FDX1: variants seen among roughly 807,000 people sequenced by gnomAD.
The protein encoded by FDX1 is ferredoxin 1.
FDX1 carries 9 observed loss-of-function variants against 14.9 expected under a neutral mutation model. The observed-to-expected ratio is 0.60, with a 90% CI of 0.36 to 1.05. FDX1 has a LOEUF of 1.05. Ranked by LOEUF, FDX1 falls within the 50% of genes least tolerant of loss-of-function variation. The pLI is 0.01. For synonymous variants in FDX1, 92 were observed against 99.4 expected, an observed-to-expected ratio of 0.93 and a Z score of 0.44; for missense variants, 204 against 237.2, an observed-to-expected ratio of 0.86 and a Z score of 0.92.
chr11:110,444,271 A>G (rs1337330166), intron 2 of FDX1, among the ~76,000 whole-genome samples: 1 of 152,076 alleles, frequency 6.6e-6, no homozygotes, highest in Non-Finnish European at 1.5e-5. Context: ...ACTTCTGCCT[A>G]TGGCTAGCCA....
intron 1 of FDX1, among the ~76,000 whole-genome samples, chr11:110,435,630 T>C (rs1233032924): frequency 2.0e-5 from 3 of 152,172 alleles, no homozygotes; most frequent in Non-Finnish European, 4.4e-5. Flanking sequence ...AGAAGATGGC[T>C]TGAGGCCAGG....
chr11:110,441,107 T>C (rs1038442502), intron 2 of FDX1, among the ~76,000 whole-genome samples: 3 of 152,254 alleles, frequency 2.0e-5, no homozygotes, highest in African/African-American at 7.2e-5. Flanking sequence ...AAGATATGAC[T>C]TGCTTCTTCT....
chr11:110,453,270 G>A (rs751363981), intron 2 of FDX1, among the ~76,000 whole-genome samples: 2 of 152,058 alleles, frequency 1.3e-5, no homozygotes, highest in East Asian at 1.9e-4. Context: ...CCCGGGAGGC[G>A]GAGGTTGCCG....
At position 110,430,092 on chromosome 11, in the gene FDX1, TC is replaced by T; in HGVS notation, c.-28del. The T allele has an allele frequency of 8.2e-7, 1 of 1,216,840 alleles. No homozygotes were observed. Among genetic ancestry groups the T allele is most frequent in the Non-Finnish European group, 1.0e-6 (1 of 978,276 alleles). 75.4% of individuals were successfully genotyped at this position (1,216,840 alleles called of 1,614,324 possible). A position where few individuals can be genotyped will look rare whatever the true frequency, so the allele number is the denominator to read the frequency against. On this transcript the variant is annotated 5_prime_UTR_variant, in exon 1 of 4. Transcript: ENST00000260270. ...TCGCGGCCTCAAAGCGCGGCCTGCG[TC>T]GCTTCCGGCAGTTCCCGACCGCGGG...
At chr11:110,446,349 A>G (rs1189145197) in intron 2 of FDX1, among the ~76,000 whole-genome samples, 2 of 152,326 alleles carry the variant, frequency 1.3e-5, no homozygotes, top group South Asian at 2.1e-4. Flanking sequence ...ACCGTACTCC[A>G]AACATGGCTG....
At chr11:110,441,254 G>A (rs896854993) in intron 2 of FDX1, among the ~76,000 whole-genome samples, 25 of 152,200 alleles carry the variant, frequency 1.6e-4, no homozygotes, top group African/African-American at 6.0e-4. Flanking sequence ...AAGCAAATTG[G>A]TACGAGGAGT....
In FDX1 at chr11:110,456,872, G is replaced by T. The variant is rs371881549; in HGVS notation, c.311-46G>T. 4.5e-6 allele frequency: 7 copies of T among 1,559,362 alleles called. No individual in the cohort carries two copies. The Middle Eastern group carries it at 6.8e-4, about 150-fold the overall frequency. On this transcript the variant is annotated intron_variant, in intron 2 of 3. Transcript: ENST00000260270. ...GCCTTTACTGAACCAGGTATGAATC[G>T]TCTGATGTAGAAGGGACTATGTTCA... is the stretch of plus-strand genomic sequence containing the variant.
At position 110,463,138 on chromosome 11, in the gene FDX1, A is replaced by T. The variant is rs1946566184; in HGVS notation, c.*670A>T. On this transcript the variant is annotated 3_prime_UTR_variant, in exon 4 of 4. Coordinates refer to ENST00000260270, the MANE Select transcript of FDX1 (RefSeq NM_004109.5). ...GAAGTTTGATCTCTGTTTTGACTAAACTAGAGGAAAAATGATTGGATGTGT... is the reference window on the plus strand; with the variant it reads ...GAAGTTTGATCTCTGTTTTGACTAATCTAGAGGAAAAATGATTGGATGTGT... 1 of 152,376 alleles carries T rather than the reference A, an allele frequency of 6.6e-6. No individual in the cohort carries two copies. The highest frequency in any genetic ancestry group is 6.5e-5 in the Admixed American group (1 of 15,304). The allele number at this position is 152,376 out of a possible 1,614,324, so 9.4% of individuals were successfully genotyped here. A position where few individuals can be genotyped will look rare whatever the true frequency, so the allele number is the denominator to read the frequency against.
chr11:110,461,809 A>G (rs1266917762), intron 3 of FDX1, among the ~76,000 whole-genome samples: 1 of 152,220 alleles, frequency 6.6e-6, no homozygotes, highest in Non-Finnish European at 1.5e-5. Flanking sequence ...CAGTGATTGT[A>G]AGATTCCATT....
chr11:110,444,685 C>CACGTATATATATATATAT (rs1331600575), intron 2 of FDX1, among the ~76,000 whole-genome samples: 1,278 of 36,570 alleles, frequency 0.035, 44 homozygotes, highest in South Asian at 0.12. Context: ...TATATATATA[C>CACGTATATATATATATAT]ACGTATATAT....
chr11:110,435,850 A>G lies in FDX1; in HGVS notation c.202A>G (p.Thr68Ala), dbSNP rs1946364583. The G allele has an allele frequency of 6.2e-7, 1 of 1,604,164 alleles. No individual in the cohort carries two copies. Among genetic ancestry groups the G allele is most frequent in the Non-Finnish European group, 8.5e-7 (1 of 1,174,774 alleles). ...RARSSSEDKI[T>A]VHFINRDGET... ...TTTTTCCAGCTCAGAAGATAAAATA[A>G]CAGTCCACTTTATAAACCGTGATGG... The change falls in exon 2 of 4, where the codon ACA (threonine) becomes GCA (alanine). Residue 68 changes from threonine to alanine, a missense_variant. Coordinates refer to ENST00000260270, the MANE Select transcript of FDX1 (RefSeq NM_004109.5).
intron 2 of FDX1, among the ~76,000 whole-genome samples, chr11:110,439,441 T>G (rs927635896): frequency 2.0e-5 from 3 of 152,122 alleles, no homozygotes; most frequent in Admixed American, 6.5e-5. Context: ...ACTCCTGACC[T>G]CATGATCTGC....
intron 2 of FDX1, among the ~76,000 whole-genome samples, chr11:110,445,705 G>T (rs1263939029): frequency 1.3e-5 from 2 of 152,066 alleles, no homozygotes; most frequent in Non-Finnish European, 2.9e-5. Context: ...TTTCAGCTTT[G>T]TGACCTTGGG....
At chr11:110,434,530 G>T (rs2724401) in intron 1 of FDX1, among the ~76,000 whole-genome samples, 3 of 151,732 alleles carry the variant, frequency 2.0e-5, no homozygotes, top group Non-Finnish European at 4.4e-5. Context: ...ACGGGGTTTC[G>T]CCATGTTGGC....
intron 2 of FDX1, among the ~76,000 whole-genome samples, chr11:110,444,708 A>ATATATATATATACG (rs1565381970): frequency 8.6e-5 from 4 of 46,630 alleles, no homozygotes; most frequent in East Asian, 7.9e-4. Flanking sequence ...ATATATACGT[A>ATATATATATATACG]TATATATATA....
At chr11:110,439,051 A>G (rs1468520355) in intron 2 of FDX1, among the ~76,000 whole-genome samples, 3 of 151,576 alleles carry the variant, frequency 2.0e-5, no homozygotes, top group Non-Finnish European at 2.9e-5. Flanking sequence ...GATTACAGGC[A>G]CTCACTACCA....
At chr11:110,454,230 A>G (rs1308742004) in intron 2 of FDX1, among the ~76,000 whole-genome samples, 1 of 152,342 alleles carries the variant, frequency 6.6e-6, no homozygotes, top group Non-Finnish European at 1.5e-5. Context: ...GAGAAGAGCC[A>G]TGAAAATTTA....
chr11:110,457,591 A>T (rs944533190), intron 3 of FDX1, among the ~76,000 whole-genome samples: 8 of 152,100 alleles, frequency 5.3e-5, no homozygotes, highest in African/African-American at 1.9e-4. Context: ...TTATTTTTTA[A>T]AAAAATTATC....
At chr11:110,461,009 C>G (rs1292992609) in intron 3 of FDX1, among the ~76,000 whole-genome samples, 1 of 152,130 alleles carries the variant, frequency 6.6e-6, no homozygotes, top group Admixed American at 6.5e-5. Context: ...AAACCAAGAC[C>G]TGAATATCAG....
Sources: allele counts gnomAD v4.1 joint callset (sites outside exome capture counted in the v4.1 genomes callset), GRCh38; gene constraint gnomAD v4.1.1; transcripts MANE v1.5; gene names NCBI Gene and HGNC (gene_info 2026-07-23, HGNC 2026-07-21).